NBEA: variants seen among roughly 807,000 people sequenced by gnomAD.
NBEA encodes neurobeachin, also known as lysosomal-trafficking regulator 2.
In NBEA, 44 loss-of-function variants were observed where a neutral mutation model predicts 343.4. The ratio of observed to expected loss-of-function variants is 0.13; its 90% CI spans 0.10 to 0.16. The LOEUF (loss-of-function observed/expected upper bound fraction) is 0.16, where lower values mean the gene tolerates loss of function less well. Among genes scored for constraint, NBEA ranks in the 10% least tolerant of loss-of-function variants. The pLI is 1.00. For missense variants in NBEA, 2,555 were observed against 3,631.3 expected, an observed-to-expected ratio of 0.70 and a Z score of 7.62; for synonymous variants, 1,175 against 1,238.7, an observed-to-expected ratio of 0.95 and a Z score of 1.08.
chr13:35,475,994 C>T (rs1201805948), intron 41 of NBEA: 2 of 1,614,176 alleles, frequency 1.2e-6, no homozygotes, highest in Admixed American at 1.7e-5. Context: ...AACCGCGGCT[C>T]CTGCACTTCC....
chr13:35,199,430 T>C (rs2072862487), intron 31 of NBEA, among the ~76,000 whole-genome samples: 1 of 152,144 alleles, frequency 6.6e-6, no homozygotes. Context: ...AACGTGTTTT[T>C]CATTTTAATC....
rs373787021 is a variant in NBEA, at chr13:35,226,611, T to A, written c.5649-5881T>A. Among the ~76,000 whole-genome samples, 23 of 152,220 alleles carry A rather than the reference T, an allele frequency of 1.5e-4. No homozygotes were observed. The South Asian group carries it at 2.3e-3, about 15-fold the overall frequency. Reference sequence around the variant, plus strand: ...AGACTTACATTCTTGAGTTTATATTTTTATTTCACTATAGTTAAATTTTGT... The same window carrying A: ...AGACTTACATTCTTGAGTTTATATTATTATTTCACTATAGTTAAATTTTGT... On this transcript the variant is annotated intron_variant, in intron 33 of 58. Coordinates refer to ENST00000379939, the MANE Select transcript of NBEA (RefSeq NM_001385012.1).
At chr13:35,225,403 C>A (rs555077877) in intron 33 of NBEA, among the ~76,000 whole-genome samples, 1 of 152,092 alleles carries the variant, frequency 6.6e-6, no homozygotes, top group Non-Finnish European at 1.5e-5. Context: ...TGTTGTCTTT[C>A]TCTCAAATGC....
At chr13:35,612,333 C>T (rs1437654310) in intron 48 of NBEA, among the ~76,000 whole-genome samples, 1 of 151,872 alleles carries the variant, frequency 6.6e-6, no homozygotes, top group Non-Finnish European at 1.5e-5. Flanking sequence ...GGGGTTTCAC[C>T]GTGTTAGCCA....
At chr13:35,570,894 T>C (rs1450102286) in intron 45 of NBEA, among the ~76,000 whole-genome samples, 1 of 152,178 alleles carries the variant, frequency 6.6e-6, no homozygotes, top group Non-Finnish European at 1.5e-5. Context: ...ATTATCACAA[T>C]GAAGAGATGT....
intron 47 of NBEA, among the ~76,000 whole-genome samples, chr13:35,595,462 G>A (rs775098854): frequency 3.1e-4 from 47 of 151,942 alleles, no homozygotes; most frequent in Admixed American, 3.9e-4. Context: ...CATATTATAT[G>A]TTAATACATC....
chr13:35,267,125 G>A (rs1842244416), intron 34 of NBEA, among the ~76,000 whole-genome samples: 1 of 151,894 alleles, frequency 6.6e-6, no homozygotes, highest in South Asian at 2.1e-4. Context: ...GAAGAAAGAA[G>A]AGGGGTTTGT....
intron 1 of NBEA, among the ~76,000 whole-genome samples, chr13:34,961,503 C>G (rs1285414628): frequency 2.6e-5 from 4 of 151,984 alleles, no homozygotes; most frequent in Admixed American, 2.0e-4. Flanking sequence ...CATATAAATA[C>G]CAGTCTATTG....
chr13:35,200,877 A>C (rs2072973791), intron 31 of NBEA, among the ~76,000 whole-genome samples: 1 of 151,896 alleles, frequency 6.6e-6, no homozygotes, highest in African/African-American at 2.4e-5. Context: ...GTAAGGATGA[A>C]ATTTCAGGGT....
chr13:35,244,866 T>C (rs1263497834), intron 34 of NBEA, among the ~76,000 whole-genome samples: 2 of 152,078 alleles, frequency 1.3e-5, no homozygotes, highest in African/African-American at 4.8e-5. Flanking sequence ...TTGCAGCTAT[T>C]GTAAAGGGGT....
intron 34 of NBEA, among the ~76,000 whole-genome samples, chr13:35,249,151 CAAAAAAAAAA>C (rs1179922550): frequency 6.0e-5 from 3 of 49,710 alleles, no homozygotes; most frequent in Non-Finnish European, 1.2e-4. Flanking sequence ...CTCCATCTTA[CAAAAAAAAAA>C]AAAAAAAAAA....
intron 38 of NBEA, among the ~76,000 whole-genome samples, chr13:35,396,675 T>A (rs1197800759): frequency 6.6e-6 from 1 of 152,114 alleles, no homozygotes; most frequent in Non-Finnish European, 1.5e-5. Context: ...CAAATTTTCC[T>A]CACCTCCAAA....
chr13:35,575,472 T>C (rs538984728), intron 45 of NBEA, among the ~76,000 whole-genome samples: 1 of 152,300 alleles, frequency 6.6e-6, no homozygotes, highest in Non-Finnish European at 1.5e-5. Flanking sequence ...TTTAATTGAT[T>C]TTGACTTTAC....
At chr13:35,410,900 C>G (rs2043544759) in intron 38 of NBEA, among the ~76,000 whole-genome samples, 1 of 152,164 alleles carries the variant, frequency 6.6e-6, no homozygotes. Flanking sequence ...TCTGATGAAG[C>G]TTTCCTGGGC....
At chr13:35,220,878 C>A (rs1437974320) in intron 33 of NBEA, among the ~76,000 whole-genome samples, 2 of 152,106 alleles carry the variant, frequency 1.3e-5, no homozygotes, top group Non-Finnish European at 2.9e-5. Flanking sequence ...AAATACATTT[C>A]TTACCTATCT....
At chr13:35,504,101 A>T (rs1039582536) in intron 41 of NBEA, among the ~76,000 whole-genome samples, 1 of 152,160 alleles carries the variant, frequency 6.6e-6, no homozygotes, top group Non-Finnish European at 1.5e-5. Context: ...GATATTTGAG[A>T]TATTTCACAT....
intron 35 of NBEA, among the ~76,000 whole-genome samples, chr13:35,297,428 C>G (rs955623405): frequency 1.3e-5 from 2 of 151,956 alleles, no homozygotes; most frequent in East Asian, 1.9e-4. Flanking sequence ...TTAGAATAAG[C>G]TGCATTTCTA....
intron 36 of NBEA, among the ~76,000 whole-genome samples, chr13:35,309,808 T>G (rs1032680137): frequency 1.3e-5 from 2 of 152,146 alleles, no homozygotes; most frequent in Non-Finnish European, 2.9e-5. Flanking sequence ...GGACAAACCT[T>G]ATAAGGTTTG....
chr13:35,116,516 A>G (rs1277372869), intron 13 of NBEA, among the ~76,000 whole-genome samples: 1 of 152,034 alleles, frequency 6.6e-6, no homozygotes, highest in Non-Finnish European at 1.5e-5. Flanking sequence ...GAAATAGGGA[A>G]GATATTTCTT....
Sources: gnomAD v4.1 joint callset for allele counts (sites outside exome capture counted in the v4.1 genomes callset) on GRCh38, gnomAD v4.1.1 for gene constraint, MANE v1.5 for transcripts, NCBI Gene and HGNC (gene_info 2026-07-23, HGNC 2026-07-21) for gene names.